Variants in DHX33 observed in about 807,000 individuals in gnomAD.
DHX33 encodes ATP-dependent RNA helicase DHX33.
In DHX33, 42 loss-of-function variants were observed where a neutral mutation model predicts 72.5. The ratio of observed to expected loss-of-function variants is 0.58; its 90% CI spans 0.45 to 0.75. The LOEUF (loss-of-function observed/expected upper bound fraction) is 0.75. DHX33 is among the 30% of genes least tolerant of loss of function. DHX33 has a pLI of 0.00. For missense variants in DHX33, 842 were observed against 917.5 expected (o/e 0.92, Z 1.06); for synonymous variants, 358 against 366.1 (o/e 0.98, Z 0.25).
chr17:5,457,352 G>A (rs1904371399), intron 4 of DHX33, among the ~76,000 whole-genome samples: 1 of 151,440 alleles, frequency 6.6e-6, no homozygotes. Context: ...ACTGGGCGCA[G>A]TGGCTCATGC....
At chr17:5,460,412 G>A (rs550679207) in intron 4 of DHX33, among the ~76,000 whole-genome samples, 3 of 152,018 alleles carry the variant, frequency 2.0e-5, no homozygotes, top group Non-Finnish European at 4.4e-5. Flanking sequence ...CTGCTGGTCA[G>A]AACTGAATTA....
chr17:5,453,525 TTTG>T lies in DHX33; in HGVS notation c.1396+52_1396+54del, dbSNP rs1917046800. The T allele has an allele frequency of 2.1e-5, 30 of 1,407,484 alleles. No individual in the cohort carries two copies. In the South Asian group the frequency reaches 3.1e-4, roughly 15 times the overall value. 87.2% of individuals were successfully genotyped at this position (1,407,484 alleles called of 1,614,324 possible). On this transcript the variant is annotated intron_variant, in intron 8 of 11. Transcript: ENST00000225296. ...TACTTTATTTTTTTGGAAGTGTCCATTTGTTGTTGTTTGTCTCCTCACCCACCT... is the reference window on the plus strand; with the variant it reads ...TACTTTATTTTTTTGGAAGTGTCCATTTGTTGTTTGTCTCCTCACCCACCT...
At chr17:5,461,411 A>C (rs1249580411) in intron 3 of DHX33, 1 of 172,574 alleles carries the variant, frequency 5.8e-6, no homozygotes, top group East Asian at 1.5e-4. Context: ...CGAGGTCAGG[A>C]GATCGAGGCC....
chr17:5,461,265 A>C (rs1597363243), intron 3 of DHX33, 156 bp from the exon 4 acceptor site: 1 of 610,918 alleles, frequency 1.6e-6, no homozygotes, highest in Middle Eastern at 4.2e-4. Flanking sequence ...AGAGGAAAAC[A>C]CCCTGCTAGA....
At position 5,463,658 on chromosome 17, in the gene DHX33, G is replaced by A. The variant is rs1162929400; in HGVS notation, c.321C>T (p.Ile107=). 1 of 1,611,996 alleles carries A rather than the reference G, an allele frequency of 6.2e-7. No individual in the cohort carries two copies. Among genetic ancestry groups the A allele is most frequent in the Non-Finnish European group, 8.5e-7 (1 of 1,178,980 alleles). The part of the protein sequence containing the change: ...GETGSGKTTQ[I]PQYLYEGGIS... ...TCCCTCCTTCATACAGGTACTGAGG[G>A]ATCTGAGTTGTCTTCCCAGAGCCAG... Residue 107 remains isoleucine, a synonymous_variant, in exon 2 of 12, where the codon ATC becomes ATT. Transcript: ENST00000225296.
chr17:5,464,740 T>C (rs1468151806), intron 1 of DHX33, among the ~76,000 whole-genome samples: 3 of 152,234 alleles, frequency 2.0e-5, no homozygotes, highest in African/African-American at 7.2e-5. Context: ...TTCTGCATAC[T>C]GACTGACATG....
intron 1 of DHX33, among the ~76,000 whole-genome samples, chr17:5,464,026 A>T (rs1904760636): frequency 6.6e-6 from 1 of 151,928 alleles, no homozygotes; most frequent in Non-Finnish European, 1.5e-5. Context: ...CAAAAAAAAT[A>T]ATAAAAATAA....
Position 5,468,717 on chromosome 17 carries a change from C to T in DHX33, c.143G>A (p.Gly48Asp), listed in dbSNP as rs1442440362. Reference sequence around the variant, plus strand: ...GGCCAGGGGCGGCTGCTGCCTCCGGCCTCCTCCTCCTCCTCTGCCGCCGCT... The same window carrying T: ...GGCCAGGGGCGGCTGCTGCCTCCGGTCTCCTCCTCCTCCTCTGCCGCCGCT... ...AGSGGRGGGG[G>D]RRQQPPLAQP... The change falls in exon 1 of 12, where the codon GGC becomes GAC. Residue 48 changes from glycine to aspartate, a missense_variant. Physicochemically the swap from Gly to Asp is moderately conservative, Grantham distance 94 (BLOSUM62 -1). Coordinates refer to ENST00000225296, the MANE Select transcript of DHX33 (RefSeq NM_020162.4). The T allele has an allele frequency of 6.3e-7, 1 of 1,592,706 alleles. No homozygotes were observed. The highest frequency in any genetic ancestry group is 1.1e-5 in the South Asian group (1 of 88,946).
chr17:5,464,459 C>T (rs1410900798), intron 1 of DHX33, among the ~76,000 whole-genome samples: 1 of 152,168 alleles, frequency 6.6e-6, no homozygotes, highest in Non-Finnish European at 1.5e-5. Context: ...GGTATGTATA[C>T]TGCTGGTGAA....
At chr17:5,458,944 TC>T (rs1316048144) in intron 4 of DHX33, among the ~76,000 whole-genome samples, 2 of 152,178 alleles carry the variant, frequency 1.3e-5, no homozygotes, top group Non-Finnish European at 2.9e-5. Flanking sequence ...ACATCTGCAA[TC>T]CCAGTGCTTT....
chr17:5,445,660 G>A (rs1916630797), intron 11 of DHX33, among the ~76,000 whole-genome samples: 1 of 152,194 alleles, frequency 6.6e-6, no homozygotes. Flanking sequence ...GCATCTTTTA[G>A]GTTTGAAACT....
In DHX33 at chr17:5,444,167, C is replaced by G. The variant is rs1916539802; in HGVS notation, c.*38G>C. On this transcript the variant is annotated 3_prime_UTR_variant, in exon 12 of 12. Coordinates refer to ENST00000225296, the MANE Select transcript of DHX33 (RefSeq NM_020162.4). The surrounding 1 kb of genome is among the most constrained non-coding windows in gnomAD (Gnocchi z 4.9). ...TGTAAGGACAACTGTAGTCCAAGCT[C>G]CCAGGGACCAGTGATTCTGGCGGCA... 6.3e-7 allele frequency: 1 copy of G among 1,590,326 alleles called. No homozygotes were observed. The highest frequency in any genetic ancestry group is 1.7e-5 in the Admixed American group (1 of 58,924).
At chr17:5,454,482 A>G (rs1917103442) in intron 6 of DHX33, among the ~76,000 whole-genome samples, 1 of 152,214 alleles carries the variant, frequency 6.6e-6, no homozygotes, top group African/African-American at 2.4e-5. Flanking sequence ...GTTTTCTAGC[A>G]GTAAATGAGG....
At position 5,450,959 on chromosome 17, in the gene DHX33, G is replaced by C. The variant is rs774415533; in HGVS notation, c.1397-25C>G. The C allele has an allele frequency of 1.6e-5, 26 of 1,604,908 alleles. No homozygotes were observed. The South Asian group carries it at 2.3e-4, about 15-fold the overall frequency. ...TCTAAAGAAACAGAGACATAAAAAG[G>C]AGCCAAAAGTCCAAAAAAATGAAGT... On this transcript the variant is annotated intron_variant, in intron 8 of 11. Coordinates refer to ENST00000225296, the MANE Select transcript of DHX33 (RefSeq NM_020162.4).
chr17:5,456,331 G>A (rs1917192079), intron 4 of DHX33, 149 bp from the exon 5 acceptor site: 2 of 891,102 alleles, frequency 2.2e-6, no homozygotes, highest in Non-Finnish European at 3.4e-6. Context: ...CTAGCTTGGA[G>A]AGAACCCTTA....
intron 1 of DHX33, among the ~76,000 whole-genome samples, chr17:5,466,443 T>C (rs1043467211): frequency 2.0e-5 from 3 of 152,058 alleles, no homozygotes; most frequent in Admixed American, 6.5e-5. Context: ...TTCCCTCCTT[T>C]TTCCTCAAAA....
rs760764412 is a variant in DHX33 at position 5,444,269 on chromosome 17, G to A, written c.2060C>T (p.Ala687Val). The change falls in exon 12 of 12, where the codon GCA becomes GTA. Residue 687 changes from alanine (A) to valine (V), a missense_variant. Physicochemically the swap from Ala to Val is moderately conservative, Grantham distance 64. Transcript: ENST00000225296. This position sits in a 1 kb window ranked among gnomAD's most constrained non-coding sequence, Gnocchi z 4.9. ...CYMRDLCVID[A>V]QWLYEAAPEY... The stretch of plus-strand genomic sequence containing the variant: ...AGGGGCAGCCTCGTACAGCCACTGT[G>A]CATCTATGACGCAGAGGTCCCGCAT... 6 of 1,614,262 alleles carry A rather than the reference G, an allele frequency of 3.7e-6. No individual in the cohort carries two copies. Among genetic ancestry groups the A allele is most frequent in the Non-Finnish European group, 4.2e-6 (5 of 1,180,050 alleles).
At chr17:5,462,186 G>A (rs546967904) in intron 3 of DHX33, 133 bp downstream of exon 3, 26 of 731,886 alleles carry the variant, frequency 3.6e-5, no homozygotes, top group Non-Finnish European at 4.8e-5. Flanking sequence ...GTGATCCACC[G>A]GCCTTGGCCT....
rs566384428 is a variant in DHX33 at position 5,450,846 on chromosome 17, T to C, written c.1485A>G (p.Arg495=). ...DDQLTLTPMG[R]KMAAFPLEPK... ...GTTCTAAAGGAAATGCTGCCATCTT[T>C]CTTCCCATTGGAGTCAGGGTAAGCT... The change falls in exon 9 of 12, where the codon AGA becomes AGG. Residue 495 remains arginine, a synonymous_variant. Transcript: ENST00000225296. 5.6e-6 allele frequency: 9 copies of C among 1,614,250 alleles called. No individual in the cohort carries two copies. The African/African-American group carries it at 1.2e-4, about 22-fold the overall frequency.
Sources: gnomAD v4.1 joint callset for allele counts (sites outside exome capture counted in the v4.1 genomes callset) on GRCh38, gnomAD v4.1.1 for gene constraint, Gnocchi (gnomAD v3.1) non-coding constraint, MANE v1.5 for transcripts, NCBI Gene and HGNC (gene_info 2026-07-23, HGNC 2026-07-21) for gene names.